The following TBC1D12 variants were observed in gnomAD, a reference collection of about 807,000 sequenced individuals.
The protein encoded by TBC1D12 is TBC1 domain family, member 12.
TBC1D12 carries 56 observed loss-of-function variants against 86.7 expected under a neutral mutation model. The ratio of observed to expected loss-of-function variants is 0.65; its 90% CI spans 0.52 to 0.81. TBC1D12 has a LOEUF of 0.81. Among genes scored for constraint, TBC1D12 ranks in the 30% least tolerant of loss-of-function variants. The pLI is 0.00. For missense variants in TBC1D12, 1,023 were observed against 1,038.8 expected, an observed-to-expected ratio of 0.98 and a Z score of 0.21; for synonymous variants, 421 against 411.7, an observed-to-expected ratio of 1.02 and a Z score of -0.27.
intron 2 of TBC1D12, among the ~76,000 whole-genome samples, chr10:94,463,243 G>A (rs369060998): frequency 7.2e-5 from 11 of 152,204 alleles, no homozygotes; most frequent in African/African-American, 2.6e-4. Flanking sequence ...ATTTTCCGTT[G>A]CTTATAACAG....
intron 9 of TBC1D12, among the ~76,000 whole-genome samples, chr10:94,514,136 A>G (rs1397928643): frequency 2.6e-5 from 4 of 151,536 alleles, no homozygotes; most frequent in Non-Finnish European, 5.9e-5. Context: ...AGCATTTGGG[A>G]GGCCAAGGTG....
chr10:94,531,902 T>TTATGTTATGTTATGTTATGTTA (rs1301558544), intron 12 of TBC1D12, among the ~76,000 whole-genome samples: 1 of 151,432 alleles, frequency 6.6e-6, no homozygotes, highest in African/African-American at 2.4e-5. Context: ...TTATGTTATG[T>TTATGTTATGTTATGTTATGTTA]TATGTTATTT....
chr10:94,424,894 A>C (rs2055127193), intron 1 of TBC1D12, among the ~76,000 whole-genome samples: 1 of 152,194 alleles, frequency 6.6e-6, no homozygotes, highest in South Asian at 2.1e-4. Context: ...CAATTCACGC[A>C]GGGTTTGGCA....
chr10:94,509,287 G>C (rs1014883825), intron 7 of TBC1D12: 4 of 150,906 alleles, frequency 2.7e-5, no homozygotes, highest in African/African-American at 9.8e-5. Context: ...AGTAGAGACA[G>C]GGTTTCACCG....
At chr10:94,440,473 C>A (rs1021235864) in intron 1 of TBC1D12, among the ~76,000 whole-genome samples, 1 of 152,148 alleles carries the variant, frequency 6.6e-6, no homozygotes, top group Non-Finnish European at 1.5e-5. Flanking sequence ...CTATGCCTGG[C>A]CATTTCTTTT....
intron 2 of TBC1D12, among the ~76,000 whole-genome samples, chr10:94,472,090 A>G (rs543460630): frequency 6.6e-6 from 1 of 152,106 alleles, no homozygotes; most frequent in African/African-American, 2.4e-5. Flanking sequence ...TCACTGAATG[A>G]TTTTATGAAT....
intron 1 of TBC1D12, among the ~76,000 whole-genome samples, chr10:94,409,190 C>T (rs1388620800): frequency 4.6e-5 from 7 of 152,080 alleles, no homozygotes; most frequent in South Asian, 2.1e-4. Flanking sequence ...ACTAAAGCAC[C>T]GGAAATCCAG....
chr10:94,404,279 C>G (rs1417860419), intron 1 of TBC1D12, among the ~76,000 whole-genome samples: 1 of 152,178 alleles, frequency 6.6e-6, no homozygotes, highest in East Asian at 1.9e-4. Context: ...ATAAGCCTCT[C>G]CTTTTTTTCC....
intron 12 of TBC1D12, among the ~76,000 whole-genome samples, chr10:94,531,906 G>GTTATGTTATGTTATT (rs1206473840): frequency 7.4e-5 from 11 of 149,256 alleles, no homozygotes; most frequent in Non-Finnish European, 1.2e-4. Flanking sequence ...GTTATGTTAT[G>GTTATGTTATGTTATT]TTATTTTATT....
At chr10:94,497,515 C>CTTT (rs34789814) in intron 5 of TBC1D12, among the ~76,000 whole-genome samples, 66 of 98,100 alleles carry the variant, frequency 6.7e-4, no homozygotes, top group Middle Eastern at 7.5e-3. Flanking sequence ...TCTGCTAAAT[C>CTTT]TTTTTTTTTT....
At chr10:94,463,485 G>C (rs976383938) in intron 2 of TBC1D12, among the ~76,000 whole-genome samples, 1 of 152,126 alleles carries the variant, frequency 6.6e-6, no homozygotes, top group Admixed American at 6.5e-5. Flanking sequence ...ATGATAATAT[G>C]TTAATCCATG....
At chr10:94,445,512 G>T (rs560837983) in intron 2 of TBC1D12, among the ~76,000 whole-genome samples, 1 of 152,060 alleles carries the variant, frequency 6.6e-6, no homozygotes, top group African/African-American at 2.4e-5. Flanking sequence ...ATTTCTCTGC[G>T]CCACTTATTT....
intron 2 of TBC1D12, among the ~76,000 whole-genome samples, chr10:94,450,220 T>C (rs1346673164): frequency 1.3e-5 from 2 of 152,162 alleles, no homozygotes; most frequent in African/African-American, 2.4e-5. Flanking sequence ...TCAGTATAAC[T>C]GCAGGGGACA....
intron 3 of TBC1D12, among the ~76,000 whole-genome samples, chr10:94,486,085 G>T (rs1369208320): frequency 7.9e-6 from 1 of 125,858 alleles, no homozygotes; most frequent in Admixed American, 7.5e-5. Context: ...CTTTTGTATT[G>T]TTTTCTTTCA....
At chr10:94,465,891 C>CATAT (rs1302560148) in intron 2 of TBC1D12, among the ~76,000 whole-genome samples, 13 of 150,100 alleles carry the variant, frequency 8.7e-5, no homozygotes, top group African/African-American at 2.9e-4. Flanking sequence ...TATGTATATA[C>CATAT]ATACATACGC....
chr10:94,529,542 C>G (rs1222182665), intron 11 of TBC1D12, among the ~76,000 whole-genome samples: 1 of 152,046 alleles, frequency 6.6e-6, no homozygotes, highest in East Asian at 1.9e-4. Flanking sequence ...CGCTTGAACC[C>G]CGGAGGTGGA....
Position 94,420,106 on chromosome 10 carries a change from T to G in TBC1D12, c.971+16522T>G, listed in dbSNP as rs567182471. Among the ~76,000 whole-genome samples the G allele has an allele frequency of 3.3e-4, 51 of 152,252 alleles. 1 individual carries two copies. In the South Asian group the frequency reaches 0.011, roughly 32 times the overall value. On this transcript the variant is annotated intron_variant, in intron 1 of 12. Coordinates refer to ENST00000225235, the MANE Select transcript of TBC1D12 (RefSeq NM_015188.2). ...TAATGATATTTGGAGGTGGTATCTT[T>G]GAGGTAATTAGGTTTAAATGAGTTC...
intron 2 of TBC1D12, among the ~76,000 whole-genome samples, chr10:94,460,066 T>C (rs1016843214): frequency 1.3e-5 from 2 of 151,974 alleles, no homozygotes; most frequent in Non-Finnish European, 2.9e-5. Context: ...TCCCTGTCTC[T>C]ACTAAAAATA....
chr10:94,437,060 T>TG, intron 1 of TBC1D12, among the ~76,000 whole-genome samples: 1 of 102,018 alleles, frequency 9.8e-6, no homozygotes, highest in East Asian at 5.2e-4. Flanking sequence ...TGGTGGACAA[T>TG]TTTTTTTTTT....
Sources: allele counts gnomAD v4.1 joint callset (sites outside exome capture counted in the v4.1 genomes callset), GRCh38; gene constraint gnomAD v4.1.1; transcripts MANE v1.5; gene names NCBI Gene and HGNC (gene_info 2026-07-23, HGNC 2026-07-21).